Variants in MYO7B observed in about 807,000 individuals in gnomAD.
MYO7B encodes unconventional myosin-VIIb.
Under a neutral mutation model 259.7 loss-of-function variants are expected in MYO7B, and 212 were observed. That is an observed-to-expected ratio of 0.82 (90% CI 0.73 to 0.91). MYO7B has a LOEUF of 0.91. Among genes scored for constraint, MYO7B ranks in the 40% least tolerant of loss-of-function variants. The pLI is 0.00. For missense variants in MYO7B, 2,732 were observed against 2,813.5 expected (o/e 0.97, Z 0.66); for synonymous variants, 1,197 against 1,166.4 (o/e 1.03, Z -0.54).
intron 9 of MYO7B, among the ~76,000 whole-genome samples, chr2:127,579,877 C>T (rs1158679307): frequency 2.0e-5 from 3 of 152,304 alleles, no homozygotes; most frequent in African/African-American, 4.8e-5. Flanking sequence ...CAAGCCACTG[C>T]GCCTGGCCCA....
chr2:127,636,718 CCT>C lies in MYO7B; in HGVS notation c.6208-70_6208-69del. The C allele has an allele frequency of 6.2e-7, 1 of 1,610,366 alleles. No individual in the cohort carries two copies. The highest frequency in any genetic ancestry group is 8.5e-7 in the Non-Finnish European group (1 of 1,178,042). On this transcript the variant is annotated intron_variant, in intron 46 of 47. Transcript: ENST00000409816. The surrounding 1 kb of genome is among the most constrained non-coding windows in gnomAD (Gnocchi z 4.5). ...GCAGTCATCTCTGCGGTGTGTCCTG[CCT>C]CTCTCCTGTCCCCTAACACACACAG...
In MYO7B at chr2:127,634,686, G is replaced by A. The variant is rs1344685656; in HGVS notation, c.5713+3G>A. ...GAAGAACAAGCCCCAGAAAGAAGGT[G>A]AGGAGGCCTCTGTGGAGCTGGGGGA... On this transcript the variant is annotated splice_donor_region_variant and intron_variant, in intron 42 of 47. Coordinates refer to ENST00000409816, the MANE Select transcript of MYO7B (RefSeq NM_001393586.1). 1 of 1,609,186 alleles carries A rather than the reference G, an allele frequency of 6.2e-7. No individual in the cohort carries two copies. Among genetic ancestry groups the A allele is most frequent in the Non-Finnish European group, 8.5e-7 (1 of 1,178,524 alleles).
At position 127,573,960 on chromosome 2, in the gene MYO7B, C is replaced by G. The variant is rs996492522; in HGVS notation, c.633C>G (p.Ser211Arg). The G allele has an allele frequency of 4.3e-6, 7 of 1,614,060 alleles. No homozygotes were observed. The highest frequency in any genetic ancestry group is 1.7e-5 in the Admixed American group (1 of 60,030). Residue 211 changes from serine (S) to arginine (R), a missense_variant, in exon 7 of 48, where the codon AGC (serine) becomes AGG (arginine). Coordinates refer to ENST00000409816, the MANE Select transcript of MYO7B (RefSeq NM_001393586.1). ...AGACAATCCGCAACGACAACTCAAG[C>G]CGCTTTGGGAAGTACATTGACATCT... ...NAKTIRNDNS[S>R]RFGKYIDIYF... is the part of the protein sequence containing the mutation.
At chr2:127,637,121 GC>G in intron 47 of MYO7B, 194 bp from the exon 48 acceptor site, 1 of 1,014,964 alleles carries the variant, frequency 9.9e-7, no homozygotes, top group Non-Finnish European at 1.5e-6. Flanking sequence ...TGCGCCCTTG[GC>G]CCATTCCAAG....
intron 6 of MYO7B, among the ~76,000 whole-genome samples, 162 bp from the exon 7 acceptor site, chr2:127,573,758 C>A (rs1029093611): frequency 1.4e-4 from 21 of 152,204 alleles, no homozygotes; most frequent in African/African-American, 5.1e-4. Flanking sequence ...TTTTGTCTTC[C>A]TCTTAGCGGG....
chr2:127,628,883 A>T lies in MYO7B; in HGVS notation c.4624+348A>T, dbSNP rs1681304053. 6.6e-6 allele frequency among the ~76,000 whole-genome samples: 1 copy of T among 152,214 alleles called. No individual in the cohort carries two copies. Among genetic ancestry groups the T allele is most frequent in the Admixed American group, 6.5e-5 (1 of 15,280 alleles). ...CGCACTGCTGCAAAAGCACCCCATT[A>T]TCCCATTTTACAGACGTGAGGCCAG... On this transcript the variant is annotated intron_variant, in intron 34 of 47. Transcript: ENST00000409816. This position sits in a 1 kb window ranked among gnomAD's most constrained non-coding sequence, Gnocchi z 4.8.
chr2:127,571,157 C>A (rs1425105304), intron 6 of MYO7B, among the ~76,000 whole-genome samples: 1 of 152,098 alleles, frequency 6.6e-6, no homozygotes. Flanking sequence ...CAGAAACTTC[C>A]GAAATGTTTT....
rs2105116451 is a variant in MYO7B at position 127,628,739 on chromosome 2, G to A, written c.4624+204G>A. On this transcript the variant is annotated intron_variant, in intron 34 of 47. Coordinates refer to ENST00000409816, the MANE Select transcript of MYO7B (RefSeq NM_001393586.1). This position sits in a 1 kb window ranked among gnomAD's most constrained non-coding sequence, Gnocchi z 4.8. Reference sequence around the variant, plus strand: ...TGCTTCCTCTTCTACAAAATGAGGGGCTAAAGGAGGTGGTCTCCAGCCCTG... The same window carrying A: ...TGCTTCCTCTTCTACAAAATGAGGGACTAAAGGAGGTGGTCTCCAGCCCTG... 6.6e-6 allele frequency among the ~76,000 whole-genome samples: 1 copy of A among 152,342 alleles called. No homozygotes were observed. The highest frequency in any genetic ancestry group is 6.5e-5 in the Admixed American group (1 of 15,304).
At position 127,576,840 on chromosome 2, in the gene MYO7B, T is replaced by C. The variant is rs1370383008; in HGVS notation, c.849+132T>C. On this transcript the variant is annotated intron_variant, in intron 8 of 47. Transcript: ENST00000409816. This position sits in a 1 kb window ranked among gnomAD's most constrained non-coding sequence, Gnocchi z 4.9. ...GCCCCTGAGGCGGGGCTGGTTCCCT[T>C]TGCCTCTCCTCGCCAGCCCCTCTCT... 6.7e-6 allele frequency: 4 copies of C among 596,278 alleles called. No individual in the cohort carries two copies. The East Asian group carries it at 1.2e-4, about 18-fold the overall frequency. 36.9% of individuals were successfully genotyped at this position (596,278 alleles called of 1,614,324 possible). A position where few individuals can be genotyped will look rare whatever the true frequency, so the allele number is the denominator to read the frequency against.
chr2:127,626,656 G>A (rs1405842281), intron 31 of MYO7B: 1 of 251,034 alleles, frequency 4.0e-6, no homozygotes, highest in East Asian at 1.1e-4. Context: ...GCACGCGCCT[G>A]TAGTCCCAGC....
At chr2:127,573,167 C>T (rs1044910843) in intron 6 of MYO7B, among the ~76,000 whole-genome samples, 5 of 152,162 alleles carry the variant, frequency 3.3e-5, no homozygotes, top group Non-Finnish European at 7.3e-5. Context: ...ATGCTGGATG[C>T]TGGTATTCTG....
Position 127,566,818 on chromosome 2 carries a change from G to T in MYO7B, c.461G>T (p.Cys154Phe). 6.2e-7 allele frequency: 1 copy of T among 1,609,346 alleles called. No individual in the cohort carries two copies. ...AAGAGGAACAAGAGGGACCAGTGCTGCATCATCAGGTGAGGCAGAGGGGTC... is the reference window on the plus strand; with the variant it reads ...AAGAGGAACAAGAGGGACCAGTGCTTCATCATCAGGTGAGGCAGAGGGGTC... ...SMKRNKRDQC[C>F]IISGESGAGK... Residue 154 changes from cysteine (C) to phenylalanine (F), a missense_variant, in exon 5 of 48, where the codon TGC (cysteine) becomes TTC (phenylalanine). By Grantham distance (205) the Cys-to-Phe change is radical (BLOSUM62 -2). Around this residue, in one of 3 missense-constraint regions of MYO7B, gnomAD observed 1,906 missense variants for 2,026.4 expected, o/e 0.94. Coordinates refer to ENST00000409816, the MANE Select transcript of MYO7B (RefSeq NM_001393586.1).
chr2:127,616,821 C>A (rs1680587213), intron 26 of MYO7B, among the ~76,000 whole-genome samples: 2 of 152,148 alleles, frequency 1.3e-5, no homozygotes, highest in Admixed American at 1.3e-4. Flanking sequence ...CATTTCCCGA[C>A]AGGGGGGTGC....
At position 127,635,488 on chromosome 2, in the gene MYO7B, C is replaced by T. The variant is rs1558856915; in HGVS notation, c.5821-234C>T. ...GTCCTGTGACCCATGGAGCAGTGGC[C>T]GTGGCCTGCAGGGCCAACCACATGG... is the stretch of plus-strand genomic sequence containing the variant. On this transcript the variant is annotated intron_variant, in intron 43 of 47. Transcript: ENST00000409816. 8 of 630,722 alleles carry T rather than the reference C, an allele frequency of 1.3e-5. No individual in the cohort carries two copies. In the East Asian group the frequency reaches 1.4e-4, roughly 11 times the overall value. 39.1% of individuals were successfully genotyped at this position (630,722 alleles called of 1,614,324 possible).
rs1331065549 is a variant in MYO7B at position 127,607,189 on chromosome 2, C to T, written c.2425-17C>T. The T allele has an allele frequency of 6.5e-7, 1 of 1,542,410 alleles. No homozygotes were observed. The highest frequency in any genetic ancestry group is 2.0e-5 in the Admixed American group (1 of 50,618). ...GGCCTTCTTGCCCCTGATCTCACCT[C>T]TCTCTTGCCTCCGCAGATCCTCGTG... On this transcript the variant is annotated splice_polypyrimidine_tract_variant and intron_variant, in intron 20 of 47. Coordinates refer to ENST00000409816, the MANE Select transcript of MYO7B (RefSeq NM_001393586.1). This position sits in a 1 kb window ranked among gnomAD's most constrained non-coding sequence, Gnocchi z 4.4.
chr2:127,544,575 A>AT (rs35578661), intron 1 of MYO7B, among the ~76,000 whole-genome samples: 41,631 of 102,600 alleles, frequency 0.41, 9,617 homozygotes, highest in South Asian at 0.64. Flanking sequence ...CGTCTGGCTA[A>AT]TTTTTTTTTT....
intron 34 of MYO7B, 138 bp from the exon 35 acceptor site, chr2:127,629,507 A>G (rs564073544): frequency 1.3e-6 from 1 of 777,662 alleles, no homozygotes; most frequent in Non-Finnish European, 2.0e-6. Context: ...CAGTCCCACC[A>G]TCGCTCACTC....
chr2:127,565,617 C>T (rs1678301570), intron 4 of MYO7B, among the ~76,000 whole-genome samples: 1 of 152,276 alleles, frequency 6.6e-6, no homozygotes. Context: ...GTGCCTGGCA[C>T]AGTCTCTGCT....
At chr2:127,605,761 C>A (rs1213439352) in intron 19 of MYO7B, 83 bp from the exon 20 acceptor site, 11 of 1,192,036 alleles carry the variant, frequency 9.2e-6, no homozygotes, top group Non-Finnish European at 1.1e-5. Context: ...TAACCCTGTT[C>A]CCTTCCAAAC....
Sources: gnomAD v4.1 joint callset for allele counts (sites outside exome capture counted in the v4.1 genomes callset) on GRCh38, gnomAD v4.1.1 for gene constraint, gnomAD v4.1.1 regional missense constraint, Gnocchi (gnomAD v3.1) non-coding constraint, MANE v1.5 for transcripts, NCBI Gene and HGNC (gene_info 2026-07-23, HGNC 2026-07-21) for gene names.